CEP112: variants seen among roughly 807,000 people sequenced by gnomAD.
CEP112 encodes the protein centrosomal protein of 112 kDa.
A neutral mutation model predicts 153.0 loss-of-function variants in CEP112; 127 were observed. The observed-to-expected ratio is 0.83, with a 90% CI of 0.72 to 0.96. The LOEUF (loss-of-function observed/expected upper bound fraction) is 0.96. CEP112 is among the 40% of genes least tolerant of loss of function. CEP112 has a pLI of 0.00. For synonymous variants in CEP112, 358 were observed against 374.4 expected (o/e 0.96, Z 0.51); for missense variants, 1,089 against 1,101.2 (o/e 0.99, Z 0.16).
chr17:65,684,788 C>T (rs902978469), intron 24 of CEP112, among the ~76,000 whole-genome samples: 2 of 152,186 alleles, frequency 1.3e-5, no homozygotes, highest in African/African-American at 4.8e-5. Context: ...TACCCTGGGT[C>T]TGCCACTAGT....
chr17:66,112,423 C>A (rs2069097655), intron 6 of CEP112, among the ~76,000 whole-genome samples: 1 of 147,632 alleles, frequency 6.8e-6, no homozygotes, highest in African/African-American at 2.5e-5. Flanking sequence ...AAAATATGGT[C>A]AATATACTTA....
At chr17:66,177,577 A>T (rs2072538554) in intron 2 of CEP112, among the ~76,000 whole-genome samples, 1 of 152,192 alleles carries the variant, frequency 6.6e-6, no homozygotes, top group Admixed American at 6.5e-5. Context: ...TCTGTGTTAC[A>T]AACAATCCAA....
intron 23 of CEP112, among the ~76,000 whole-genome samples, chr17:65,741,236 G>A (rs151140753): frequency 1.9e-4 from 29 of 152,130 alleles, no homozygotes; most frequent in Non-Finnish European, 3.8e-4. Flanking sequence ...TACGTGATGA[G>A]TAAATATCAG....
At chr17:65,852,307 TCC>T (rs2057973145) in intron 20 of CEP112, among the ~76,000 whole-genome samples, 1 of 48,326 alleles carries the variant, frequency 2.1e-5, no homozygotes, top group Admixed American at 2.2e-4. Context: ...TCCCTTCCCT[TCC>T]CTTCCCTTTC....
At chr17:65,659,082 G>A (rs1039173368) in intron 24 of CEP112, among the ~76,000 whole-genome samples, 1 of 142,900 alleles carries the variant, frequency 7.0e-6, no homozygotes, top group African/African-American at 2.6e-5. Flanking sequence ...TATCACCACC[G>A]CATAGGAAAT....
At chr17:65,677,484 T>C (rs2047290969) in intron 24 of CEP112, among the ~76,000 whole-genome samples, 1 of 152,262 alleles carries the variant, frequency 6.6e-6, no homozygotes, top group Non-Finnish European at 1.5e-5. Flanking sequence ...ATTTTGTATA[T>C]AAATCCAACA....
chr17:66,176,008 A>C (rs149586911), intron 3 of CEP112, among the ~76,000 whole-genome samples: 3 of 152,360 alleles, frequency 2.0e-5, no homozygotes, highest in Non-Finnish European at 4.4e-5. Flanking sequence ...TGGGACATGC[A>C]CAGAAATTTC....
In CEP112 at chr17:65,831,088, C is replaced by T. The variant is rs188490059; in HGVS notation, c.2394+20716G>A. ...AAAGGTCTGATACCACCAAAGAATA[C>T]GTGCATAAAATAGAGAAAGTGGATG... is the stretch of plus-strand genomic sequence containing the variant. On this transcript the variant is annotated intron_variant, in intron 21 of 26. Transcript: ENST00000535342. Among the ~76,000 whole-genome samples the T allele has an allele frequency of 1.9e-3, 289 of 152,276 alleles. 5 individuals carry two copies. Among genetic ancestry groups the T allele is most frequent in the African/African-American group, 6.0e-3 (250 of 41,558 alleles).
intron 23 of CEP112, among the ~76,000 whole-genome samples, chr17:65,725,513 C>T (rs983242049): frequency 6.6e-6 from 1 of 152,164 alleles, no homozygotes; most frequent in Non-Finnish European, 1.5e-5. Flanking sequence ...AATGGGGTTT[C>T]ACCACGTTGG....
At chr17:65,856,870 C>T (rs867045012) in intron 20 of CEP112, among the ~76,000 whole-genome samples, 11 of 151,986 alleles carry the variant, frequency 7.2e-5, no homozygotes, top group South Asian at 2.1e-4. Flanking sequence ...TTTTCACACA[C>T]CCAATTTTAA....
intron 21 of CEP112, among the ~76,000 whole-genome samples, chr17:65,806,544 C>T (rs576835673): frequency 5.9e-5 from 9 of 152,286 alleles, no homozygotes; most frequent in African/African-American, 1.7e-4. Flanking sequence ...ATTGTAATCC[C>T]CACATACTGG....
intron 12 of CEP112, among the ~76,000 whole-genome samples, chr17:66,047,318 T>C (rs1285078312): frequency 6.6e-6 from 1 of 152,130 alleles, no homozygotes; most frequent in Admixed American, 6.5e-5. Context: ...GGTTTCACCA[T>C]GTTGGCCAGG....
Position 65,731,213 on chromosome 17 carries a change from C to T in CEP112, c.2607+11855G>A, listed in dbSNP as rs370126602. 1.5e-4 allele frequency among the ~76,000 whole-genome samples: 23 copies of T among 152,086 alleles called. No individual in the cohort carries two copies. In the South Asian group the frequency reaches 2.1e-3, roughly 14 times the overall value. On this transcript the variant is annotated intron_variant, in intron 23 of 26. Coordinates refer to ENST00000535342, the MANE Select transcript of CEP112 (RefSeq NM_001199165.4). ...GTGTTCTTAGATAATACAGGCATAC[C>T]GCGGAGATACTCCAAGTTCAGTTCC...
At chr17:65,932,866 T>A (rs1258955645) in intron 18 of CEP112, among the ~76,000 whole-genome samples, 1 of 135,176 alleles carries the variant, frequency 7.4e-6, no homozygotes, top group East Asian at 2.1e-4. Context: ...CAATCTGAAA[T>A]GAAATTTGGT....
intron 4 of CEP112, among the ~76,000 whole-genome samples, chr17:66,156,910 C>A (rs1387348421): frequency 2.0e-5 from 3 of 152,122 alleles, no homozygotes; most frequent in African/African-American, 4.8e-5. Context: ...GATTGGTGTA[C>A]CTGAAAGTGA....
At chr17:65,971,107 C>G (rs1213195879) in intron 17 of CEP112, among the ~76,000 whole-genome samples, 1 of 152,162 alleles carries the variant, frequency 6.6e-6, no homozygotes, top group African/African-American at 2.4e-5. Flanking sequence ...TGGTACATTG[C>G]ATGTTCCTTG....
intron 20 of CEP112, among the ~76,000 whole-genome samples, chr17:65,891,391 T>C (rs1049055672): frequency 1.3e-5 from 2 of 152,180 alleles, no homozygotes; most frequent in African/African-American, 4.8e-5. Context: ...ATGTTTAACA[T>C]GCAGCTCACA....
intron 19 of CEP112, among the ~76,000 whole-genome samples, chr17:65,923,226 T>C (rs1044144807): frequency 2.0e-5 from 3 of 152,230 alleles, no homozygotes; most frequent in African/African-American, 4.8e-5. Context: ...AAGTTATCCA[T>C]ACTTTGGCAC....
intron 17 of CEP112, among the ~76,000 whole-genome samples, chr17:65,993,903 T>C (rs1450178889): frequency 6.6e-6 from 1 of 152,126 alleles, no homozygotes; most frequent in East Asian, 1.9e-4. Context: ...TAGGAGCTGC[T>C]TACATGGGTG....
Sources: gnomAD v4.1 joint callset for allele counts (sites outside exome capture counted in the v4.1 genomes callset) on GRCh38, gnomAD v4.1.1 for gene constraint, MANE v1.5 for transcripts, NCBI Gene and HGNC (gene_info 2026-07-23, HGNC 2026-07-21) for gene names.